Variants in PRTG observed in about 807,000 individuals in gnomAD.
PRTG encodes immunoglobulin superfamily, DCC subclass, member 5.
A neutral mutation model predicts 122.5 loss-of-function variants in PRTG; 67 were observed. The observed-to-expected ratio is 0.55, with a 90% CI of 0.45 to 0.67. The LOEUF (loss-of-function observed/expected upper bound fraction) is 0.67, where lower values mean the gene tolerates loss of function less well. Ranked by LOEUF, PRTG falls within the 30% of genes least tolerant of loss-of-function variation. The pLI, the probability that PRTG is intolerant of heterozygous loss-of-function variation, is 0.00. For synonymous variants in PRTG, 554 were observed against 501.1 expected, an observed-to-expected ratio of 1.11 and a Z score of -1.41; for missense variants, 1,435 against 1,415.4, an observed-to-expected ratio of 1.01 and a Z score of -0.22.
intron 14 of PRTG, 31 bp downstream of exon 14, chr15:55,638,516 AAG>A (rs758943463): frequency 2.0e-5 from 31 of 1,534,128 alleles, no homozygotes; most frequent in Non-Finnish European, 2.7e-5. Flanking sequence ...ATTTTTTTTA[AAG>A]ATAAAATCTA....
chr15:55,633,056 A>G (rs1426912695), intron 15 of PRTG, among the ~76,000 whole-genome samples: 1 of 152,198 alleles, frequency 6.6e-6, no homozygotes, highest in Non-Finnish European at 1.5e-5. Context: ...TATTCCTCCA[A>G]CTTATTTAAC....
At chr15:55,658,708 C>A (rs542018636) in intron 11 of PRTG, among the ~76,000 whole-genome samples, 76 of 152,268 alleles carry the variant, frequency 5.0e-4, no homozygotes, top group Non-Finnish European at 8.2e-4. Context: ...TTTGGTACTG[C>A]CCAATTACCC....
chr15:55,655,439 G>T (rs2059374378), intron 11 of PRTG: 1 of 152,010 alleles, frequency 6.6e-6, no homozygotes, highest in African/African-American at 2.4e-5. Context: ...ACAGATCTAG[G>T]TTTCTTATAT....
At chr15:55,639,202 T>A (rs531611961) in intron 13 of PRTG, among the ~76,000 whole-genome samples, 1 of 152,172 alleles carries the variant, frequency 6.6e-6, no homozygotes, top group Non-Finnish European at 1.5e-5. Context: ...CTTAAACTTC[T>A]GACTTAAGCA....
chr15:55,653,281 T>C (rs1473407764), intron 11 of PRTG, among the ~76,000 whole-genome samples: 1 of 152,108 alleles, frequency 6.6e-6, no homozygotes, highest in Non-Finnish European at 1.5e-5. Flanking sequence ...AAACCTGAAA[T>C]GATACACTCT....
At chr15:55,620,529 C>A in intron 19 of PRTG, 134 bp downstream of exon 19, 1 of 1,352,220 alleles carries the variant, frequency 7.4e-7, no homozygotes, top group Non-Finnish European at 9.8e-7. Context: ...AGAGCCATGC[C>A]CCAAATTAAT....
intron 11 of PRTG, among the ~76,000 whole-genome samples, chr15:55,645,067 C>A (rs2059312833): frequency 6.6e-6 from 1 of 152,096 alleles, no homozygotes; most frequent in Non-Finnish European, 1.5e-5. Context: ...GTTTATTAAT[C>A]CAGAGACCCT....
chr15:55,658,379 G>C (rs1416481223), intron 11 of PRTG, among the ~76,000 whole-genome samples: 3 of 151,232 alleles, frequency 2.0e-5, no homozygotes, highest in African/African-American at 7.3e-5. Flanking sequence ...GTAGTGGCAT[G>C]ATCTTGGCTC....
chr15:55,728,039 T>A (rs2031098243), intron 2 of PRTG, among the ~76,000 whole-genome samples: 1 of 152,070 alleles, frequency 6.6e-6, no homozygotes, highest in Non-Finnish European at 1.5e-5. Flanking sequence ...TAATTTTTTG[T>A]GTTTTTAGTA....
chr15:55,724,464 A>T (rs535743335), intron 2 of PRTG, among the ~76,000 whole-genome samples: 3 of 152,286 alleles, frequency 2.0e-5, no homozygotes, highest in Non-Finnish European at 4.4e-5. Context: ...GTAAAGTATG[A>T]AAAAGGCTGG....
intron 2 of PRTG, among the ~76,000 whole-genome samples, chr15:55,718,263 T>A (rs1315527487): frequency 6.6e-6 from 1 of 152,150 alleles, no homozygotes; most frequent in Non-Finnish European, 1.5e-5. Context: ...ATCTAAATAA[T>A]TCTTGTTGTA....
At chr15:55,626,123 T>C (rs769299837) in intron 17 of PRTG, among the ~76,000 whole-genome samples, 2 of 152,014 alleles carry the variant, frequency 1.3e-5, no homozygotes, top group Non-Finnish European at 2.9e-5. Context: ...ACTAAGAAAA[T>C]GAGGATACTA....
intron 2 of PRTG, among the ~76,000 whole-genome samples, chr15:55,694,433 T>C (rs916857865): frequency 6.6e-6 from 1 of 152,264 alleles, no homozygotes; most frequent in African/African-American, 2.4e-5. Context: ...ACATCACTTA[T>C]GATCAATGGA....
chr15:55,668,403 G>A (rs541789167), intron 11 of PRTG, among the ~76,000 whole-genome samples: 16 of 152,054 alleles, frequency 1.1e-4, no homozygotes, highest in Non-Finnish European at 1.9e-4. Context: ...GCCAATTTCT[G>A]AAACAAACAG....
chr15:55,629,427 GTGTGTGTGTAA>G (rs1256871550), intron 15 of PRTG, among the ~76,000 whole-genome samples: 8 of 144,528 alleles, frequency 5.5e-5, no homozygotes, highest in African/African-American at 1.3e-4. Context: ...GTGTGTGTGT[GTGTGTGTGTAA>G]TGTTTTACTC....
chr15:55,663,024 C>T (rs1464521421), intron 11 of PRTG, among the ~76,000 whole-genome samples: 1 of 152,230 alleles, frequency 6.6e-6, no homozygotes, highest in Non-Finnish European at 1.5e-5. Context: ...TCTCCTACTT[C>T]CCCAATCCTG....
chr15:55,703,061 G>T, intron 2 of PRTG: 2 of 309,322 alleles, frequency 6.5e-6, no homozygotes, highest in Non-Finnish European at 9.4e-6. Flanking sequence ...CAGTTGGTCT[G>T]TTCCTAGGAA....
At chr15:55,649,877 C>T (rs2059344386) in intron 11 of PRTG, among the ~76,000 whole-genome samples, 2 of 152,236 alleles carry the variant, frequency 1.3e-5, no homozygotes, top group South Asian at 4.2e-4. Context: ...CTAATCCCTG[C>T]TCCCTCTCAT....
chr15:55,669,328 T>C (rs1294802113), intron 11 of PRTG, among the ~76,000 whole-genome samples: 2 of 152,178 alleles, frequency 1.3e-5, no homozygotes, highest in African/African-American at 2.4e-5. Flanking sequence ...AGTTAAAGTA[T>C]CTTTAATGTG....
Sources: allele counts gnomAD v4.1 joint callset (sites outside exome capture counted in the v4.1 genomes callset), GRCh38; gene constraint gnomAD v4.1.1; transcripts MANE v1.5; gene names NCBI Gene and HGNC (gene_info 2026-07-23, HGNC 2026-07-21).